Variants in RET observed in about 807,000 individuals in gnomAD.
RET encodes the protein proto-oncogene tyrosine-protein kinase receptor Ret.
A neutral mutation model predicts 118.3 loss-of-function variants in RET; 19 were observed. The observed-to-expected ratio is 0.16, with a 90% CI of 0.11 to 0.24. RET has a LOEUF of 0.24. Ranked by LOEUF, RET falls within the 10% of genes least tolerant of loss-of-function variation. The probability of loss-of-function intolerance (pLI) is 1.00; values close to 1 mark genes in which losing one functional copy is unlikely to be tolerated. For missense variants in RET, 1,219 were observed against 1,502.1 expected, an observed-to-expected ratio of 0.81 and a Z score of 3.12; for synonymous variants, 597 against 644.1, an observed-to-expected ratio of 0.93 and a Z score of 1.11.
intron 1 of RET, among the ~76,000 whole-genome samples, chr10:43,095,925 G>T (rs1189412835): frequency 6.6e-6 from 1 of 152,230 alleles, no homozygotes; most frequent in African/African-American, 2.4e-5. Flanking sequence ...GGTGGCGGGG[G>T]TCATTGAGGG....
chr10:43,084,645 T>C (rs367839900), intron 1 of RET, among the ~76,000 whole-genome samples: 1 of 152,212 alleles, frequency 6.6e-6, no homozygotes, highest in African/African-American at 2.4e-5. Flanking sequence ...CTGTCAGTGA[T>C]TGAGCCCCAG....
At chr10:43,090,647 A>G (rs1837391271) in intron 1 of RET, among the ~76,000 whole-genome samples, 1 of 152,230 alleles carries the variant, frequency 6.6e-6, no homozygotes, top group South Asian at 2.1e-4. Context: ...GACAAACACA[A>G]TCCAGGCCAC....
intron 2 of RET, among the ~76,000 whole-genome samples, chr10:43,102,017 G>T (rs1456441206): frequency 1.3e-5 from 2 of 151,100 alleles, no homozygotes; most frequent in South Asian, 2.1e-4. Flanking sequence ...GGCAGGGGGG[G>T]TGCTGGTCAC....
rs764107977 is a variant in RET, at chr10:43,112,040, C to G, written c.1523-59C>G. ...TGGTGCTGTTCCCTGTCCTTGGGCA[C>G]TAGCTGGACGCTGGGCCCAGGCCAG... On this transcript the variant is annotated intron_variant, in intron 7 of 19. Coordinates refer to ENST00000355710, the MANE Select transcript of RET (RefSeq NM_020975.6). 6.2e-5 allele frequency: 97 copies of G among 1,557,560 alleles called. No individual in the cohort carries two copies. In the Middle Eastern group the frequency reaches 1.1e-3, roughly 18 times the overall value.
In RET at chr10:43,102,792, G is replaced by A. The variant is rs934342854; in HGVS notation, c.625+163G>A. On this transcript the variant is annotated intron_variant, in intron 3 of 19. Coordinates refer to ENST00000355710, the MANE Select transcript of RET (RefSeq NM_020975.6). ...GCATGCCTGCCAGGGGCCAGGTACT[G>A]TTCTAGGAGCTAAGGATATAACAAT... 15 of 821,002 alleles carry A rather than the reference G, an allele frequency of 1.8e-5. No individual in the cohort carries two copies. The African/African-American group carries it at 2.2e-4, about 12-fold the overall frequency. 50.9% of individuals were successfully genotyped at this position (821,002 alleles called of 1,614,324 possible).
intron 2 of RET, among the ~76,000 whole-genome samples, chr10:43,101,548 C>T (rs1313484235): frequency 6.6e-6 from 1 of 152,230 alleles, no homozygotes; most frequent in Non-Finnish European, 1.5e-5. Flanking sequence ...CGTGGTTCTA[C>T]GCACTTAGTT....
rs552162065 is a variant in RET at position 43,123,125 on chromosome 10, A to G, written c.2802-546A>G. Among the ~76,000 whole-genome samples the G allele has an allele frequency of 3.3e-5, 5 of 152,316 alleles. No individual in the cohort carries two copies. The East Asian group carries it at 9.6e-4, about 29-fold the overall frequency. ...GCTTTTTATTGCCCTAAATGGGCTC[A>G]TGCGATGCTGTTTTGTGATATGATT... On this transcript the variant is annotated intron_variant, in intron 16 of 19. Coordinates refer to ENST00000355710, the MANE Select transcript of RET (RefSeq NM_020975.6).
At chr10:43,089,531 G>A (rs144075476) in intron 1 of RET, among the ~76,000 whole-genome samples, 66 of 152,344 alleles carry the variant, frequency 4.3e-4, no homozygotes, top group African/African-American at 1.6e-3. Context: ...CTCCCAAGGC[G>A]TGCAGGTGGC....
intron 15 of RET, 52 bp downstream of exon 15, chr10:43,120,255 T>C (rs369359645): frequency 3.7e-5 from 60 of 1,607,624 alleles, no homozygotes; most frequent in Non-Finnish European, 4.6e-5. Context: ...AGGTGCACCA[T>C]GGGGCAGGCA....
chr10:43,106,707 C>T lies in RET; in HGVS notation c.1063+136C>T. The T allele has an allele frequency of 1.1e-6, 1 of 879,300 alleles. No homozygotes were observed. Among genetic ancestry groups the T allele is most frequent in the South Asian group, 1.6e-5 (1 of 63,096 alleles). 54.5% of individuals were successfully genotyped at this position (879,300 alleles called of 1,614,324 possible). Reference sequence around the variant, plus strand: ...GCCCAAGCCACTTCCCCTCCACCCTCTGCCCAGCACTTCCTGTGTCTCTGC... The same window carrying T: ...GCCCAAGCCACTTCCCCTCCACCCTTTGCCCAGCACTTCCTGTGTCTCTGC... On this transcript the variant is annotated intron_variant, in intron 5 of 19. Coordinates refer to ENST00000355710, the MANE Select transcript of RET (RefSeq NM_020975.6). This position sits in a 1 kb window ranked among gnomAD's most constrained non-coding sequence, Gnocchi z 5.1.
chr10:43,079,042 G>A (rs1392011937), intron 1 of RET, among the ~76,000 whole-genome samples: 1 of 152,218 alleles, frequency 6.6e-6, no homozygotes, highest in African/African-American at 2.4e-5. Context: ...GCCCCAGTGA[G>A]CCCCTCGGTG....
intron 7 of RET, among the ~76,000 whole-genome samples, chr10:43,111,764 A>G (rs1837939176): frequency 6.6e-6 from 1 of 152,212 alleles, no homozygotes; most frequent in Admixed American, 6.5e-5. Context: ...ATGCCCTCTT[A>G]GGAACATGCT....
chr10:43,106,397 C>T lies in RET; in HGVS notation c.889C>T (p.Arg297Cys), dbSNP rs1174031292. The change falls in exon 5 of 20, where the codon CGT becomes TGT. Residue 297 changes from arginine to cysteine, a missense_variant. This residue lies in a region of RET where 850 missense variants were observed against 969.6 expected (regional missense o/e 0.88). Transcript: ENST00000355710. This position sits in a 1 kb window ranked among gnomAD's most constrained non-coding sequence, Gnocchi z 5.1. ...RKEDTVVATL[R>C]VFDADVVPAS... ...GCAGGACACCGTGGTGGCCACGCTG[C>T]GTGTCTTCGATGCAGACGTGGTACC... 2.5e-6 allele frequency: 4 copies of T among 1,612,142 alleles called. No homozygotes were observed. The highest frequency in any genetic ancestry group is 1.7e-5 in the Admixed American group (1 of 59,986).
chr10:43,084,208 C>G (rs79257240), intron 1 of RET, among the ~76,000 whole-genome samples: 5,090 of 152,292 alleles, frequency 0.033, 164 homozygotes, highest in Non-Finnish European at 0.044. Flanking sequence ...TACCTGAGTT[C>G]GTGCTTTCAG....
intron 19 of RET, chr10:43,127,311 C>T (rs1216590106): frequency 9.3e-6 from 10 of 1,070,820 alleles, no homozygotes; most frequent in Non-Finnish European, 1.1e-5. Flanking sequence ...TGGGAGGACG[C>T]ACCCCCACTG....
At position 43,126,688 on chromosome 10, in the gene RET, C is replaced by A. The variant is rs755946631; in HGVS notation, c.3153C>A (p.Ala1051=). 2 of 1,614,046 alleles carry A rather than the reference C, an allele frequency of 1.2e-6. No homozygotes were observed. The highest frequency in any genetic ancestry group is 8.5e-7 in the Non-Finnish European group (1 of 1,180,008). ...VDCNNAPLPR[A]LPSTWIENKL... is the part of the protein sequence containing the mutation. ...GTAATAATGCCCCCCTCCCTCGAGC[C>A]CTCCCTTCCACATGGATTGAAAACA... The change falls in exon 19 of 20, where the codon GCC becomes GCA. Residue 1051 remains alanine, a synonymous_variant. Coordinates refer to ENST00000355710, the MANE Select transcript of RET (RefSeq NM_020975.6).
At chr10:43,120,535 T>C (rs1588877940) in intron 15 of RET, among the ~76,000 whole-genome samples, 1 of 152,372 alleles carries the variant, frequency 6.6e-6, no homozygotes, top group East Asian at 1.9e-4. Context: ...CGTTCTGATA[T>C]GACCTTAGCT....
At chr10:43,121,744 C>T (rs984507300) in intron 15 of RET, among the ~76,000 whole-genome samples, 3 of 152,172 alleles carry the variant, frequency 2.0e-5, no homozygotes. Context: ...CTGACTCCCG[C>T]CAGCATCTCA....
At chr10:43,107,063 C>A (rs1288331517) in intron 5 of RET, among the ~76,000 whole-genome samples, 1 of 152,240 alleles carries the variant, frequency 6.6e-6, no homozygotes, top group Non-Finnish European at 1.5e-5. Flanking sequence ...ACCATGCTCA[C>A]CTGCTTGCAG....
Sources: allele counts gnomAD v4.1 joint callset (sites outside exome capture counted in the v4.1 genomes callset), GRCh38; gene constraint gnomAD v4.1.1; regional missense constraint gnomAD v4.1.1; non-coding constraint Gnocchi (gnomAD v3.1); transcripts MANE v1.5; gene names NCBI Gene and HGNC (gene_info 2026-07-23, HGNC 2026-07-21).